The following MAK variants were observed in gnomAD, a reference collection of about 807,000 sequenced individuals.
The protein encoded by MAK is serine/threonine-protein kinase MAK.
MAK carries 65 observed loss-of-function variants against 82.6 expected under a neutral mutation model. That is an observed-to-expected ratio of 0.79 (90% CI 0.64 to 0.97). The LOEUF is 0.97. Ranked by LOEUF, MAK falls within the 50% of genes least tolerant of loss-of-function variation. The pLI is 0.00. For synonymous variants in MAK, 250 were observed against 274.2 expected, an observed-to-expected ratio of 0.91 and a Z score of 0.87; for missense variants, 703 against 780.2, an observed-to-expected ratio of 0.90 and a Z score of 1.18.
At chr6:10,780,330 C>T (rs953050132) in intron 11 of MAK, 2 of 729,860 alleles carry the variant, frequency 2.7e-6, no homozygotes, top group South Asian at 6.2e-5. Context: ...ACTATGAAAA[C>T]AGGGTGCTTT....
At chr6:10,815,036 C>CA (rs543245812) in intron 4 of MAK, among the ~76,000 whole-genome samples, 452 of 123,318 alleles carry the variant, frequency 3.7e-3, no homozygotes, top group African/African-American at 7.5e-3. Context: ...GACTCCATCT[C>CA]AAAAAAAAAA....
intron 2 of MAK, among the ~76,000 whole-genome samples, chr6:10,822,682 TTTTGTCA>T (rs1778050890): frequency 6.6e-6 from 1 of 152,234 alleles, no homozygotes; most frequent in South Asian, 2.1e-4. Flanking sequence ...CCTTGCCATC[TTTTGTCA>T]TTTATTAATT....
At chr6:10,772,949 G>A (rs1773149622) in intron 13 of MAK, 85 bp downstream of exon 13, 1 of 894,250 alleles carries the variant, frequency 1.1e-6, no homozygotes, top group South Asian at 1.5e-5. Context: ...GGCCTTTTAT[G>A]TCAGGATTAG....
intron 7 of MAK, among the ~76,000 whole-genome samples, chr6:10,803,153 C>T (rs191588614): frequency 1.3e-5 from 2 of 152,272 alleles, no homozygotes; most frequent in Admixed American, 1.3e-4. Context: ...AGAATTTTTC[C>T]TGAAGTTCTT....
intron 8 of MAK, among the ~76,000 whole-genome samples, chr6:10,801,357 T>A (rs1486609109): frequency 1.3e-5 from 2 of 152,244 alleles, no homozygotes; most frequent in Non-Finnish European, 2.9e-5. Flanking sequence ...GCCCTAGACT[T>A]GGAATACATC....
At chr6:10,821,310 CT>C (rs1164594679) in intron 2 of MAK, among the ~76,000 whole-genome samples, 3 of 152,120 alleles carry the variant, frequency 2.0e-5, no homozygotes, top group African/African-American at 7.2e-5. Flanking sequence ...GAGCCTCGCT[CT>C]GTCACCCAGG....
At chr6:10,768,424 A>C (rs896238381) in intron 14 of MAK, among the ~76,000 whole-genome samples, 13 of 151,778 alleles carry the variant, frequency 8.6e-5, no homozygotes, top group Non-Finnish European at 1.6e-4. Flanking sequence ...CTAAAAATAC[A>C]AAAAAAATTA....
intron 14 of MAK, among the ~76,000 whole-genome samples, chr6:10,769,179 A>G (rs1186682278): frequency 6.6e-6 from 1 of 152,194 alleles, no homozygotes; most frequent in South Asian, 2.1e-4. Context: ...GCATCCCTGC[A>G]CTCCAGCCTG....
chr6:10,773,690 A>AT (rs34702806), intron 12 of MAK, among the ~76,000 whole-genome samples: 7,476 of 136,722 alleles, frequency 0.055, 306 homozygotes, highest in African/African-American at 0.1. Context: ...ACTATTAGTG[A>AT]TTTTTTTTTT....
intron 13 of MAK, among the ~76,000 whole-genome samples, chr6:10,770,836 G>C (rs1013162318): frequency 6.6e-6 from 1 of 152,140 alleles, no homozygotes; most frequent in African/African-American, 2.4e-5. Flanking sequence ...AAAATCTAAA[G>C]TCTGGAGACC....
intron 8 of MAK, among the ~76,000 whole-genome samples, chr6:10,798,995 AATTTTTTGT>A (rs1490833836): frequency 1.3e-5 from 2 of 151,760 alleles, no homozygotes; most frequent in Non-Finnish European, 2.9e-5. Flanking sequence ...ATGCCTAGCT[AATTTTTTGT>A]ATTTTTAGTA....
At chr6:10,803,561 T>C (rs1416108782) in intron 7 of MAK, among the ~76,000 whole-genome samples, 159 bp downstream of exon 7, 1 of 147,358 alleles carries the variant, frequency 6.8e-6, no homozygotes, top group African/African-American at 2.5e-5. Context: ...AAAAAAAGAA[T>C]TATAAGAAAA....
chr6:10,796,850 C>T (rs1775611717), intron 8 of MAK, among the ~76,000 whole-genome samples: 1 of 150,826 alleles, frequency 6.6e-6, no homozygotes, highest in African/African-American at 2.4e-5. Flanking sequence ...ATAGAAAGCT[C>T]ACTTGTTATT....
intron 2 of MAK, among the ~76,000 whole-genome samples, chr6:10,819,908 C>T (rs1351231160): frequency 1.3e-5 from 2 of 151,872 alleles, no homozygotes; most frequent in South Asian, 2.1e-4. Flanking sequence ...GTCAGGAGAT[C>T]GAGACCATCC....
intron 6 of MAK, among the ~76,000 whole-genome samples, chr6:10,804,868 A>G (rs955806298): frequency 1.3e-5 from 2 of 152,000 alleles, no homozygotes; most frequent in Non-Finnish European, 2.9e-5. Context: ...TTTTTGCTCA[A>G]TGTTGTTTCA....
rs1773459264 is a variant in MAK, at chr6:10,776,375, A to G, written c.1466-916T>C. Among the ~76,000 whole-genome samples the G allele has an allele frequency of 6.6e-6, 1 of 152,234 alleles. No homozygotes were observed. Among genetic ancestry groups the G allele is most frequent in the Non-Finnish European group, 1.5e-5 (1 of 68,036 alleles). ...AATGTCCATTCAGCCTTGGGCCGTG[A>G]TACTAGTGGTCAAAGGGAGTTGTTT... is the stretch of plus-strand genomic sequence containing the variant. On this transcript the variant is annotated intron_variant, in intron 11 of 14. Transcript: ENST00000354489. This position sits in a 1 kb window ranked among gnomAD's most constrained non-coding sequence, Gnocchi z 4.3.
At chr6:10,766,006 A>G (rs975098662) in intron 14 of MAK, among the ~76,000 whole-genome samples, 1 of 152,240 alleles carries the variant, frequency 6.6e-6, no homozygotes, top group African/African-American at 2.4e-5. Flanking sequence ...TTTTACAGAC[A>G]ACTTTTGATG....
chr6:10,775,190 A>T, intron 12 of MAK, 138 bp downstream of exon 12: 1 of 952,444 alleles, frequency 1.0e-6, no homozygotes. Context: ...GGCTACCCAT[A>T]GGCAGAGTGT....
chr6:10,799,667 A>G (rs1775858413), intron 8 of MAK, among the ~76,000 whole-genome samples: 1 of 152,118 alleles, frequency 6.6e-6, no homozygotes, highest in African/African-American at 2.4e-5. Flanking sequence ...ACAGTGGTTC[A>G]TGCCTGTAAT....
Sources: allele counts gnomAD v4.1 joint callset (sites outside exome capture counted in the v4.1 genomes callset), GRCh38; gene constraint gnomAD v4.1.1; non-coding constraint Gnocchi (gnomAD v3.1); transcripts MANE v1.5; gene names NCBI Gene and HGNC (gene_info 2026-07-23, HGNC 2026-07-21).